Variants in FRAS1 observed in about 807,000 individuals in gnomAD.
The protein encoded by FRAS1 is extracellular matrix organizing protein FRAS1.
A neutral mutation model predicts 435.2 loss-of-function variants in FRAS1; 290 were observed. That is an observed-to-expected ratio of 0.67 (90% CI 0.61 to 0.73). FRAS1 has a LOEUF of 0.73. Ranked by LOEUF, FRAS1 falls within the 30% of genes least tolerant of loss-of-function variation. The pLI is 0.00. For synonymous variants in FRAS1, 1,800 were observed against 1,851.0 expected, an observed-to-expected ratio of 0.97 and a Z score of 0.71; for missense variants, 4,860 against 5,001.5, an observed-to-expected ratio of 0.97 and a Z score of 0.85.
chr4:78,089,099 A>G (rs1297795445), intron 2 of FRAS1, among the ~76,000 whole-genome samples: 6 of 152,154 alleles, frequency 3.9e-5, no homozygotes, highest in African/African-American at 1.2e-4. Flanking sequence ...CTATGCAGCC[A>G]TAAAAAATGA....
At chr4:78,323,355 T>C (rs1377919840) in intron 18 of FRAS1, among the ~76,000 whole-genome samples, 1 of 152,202 alleles carries the variant, frequency 6.6e-6, no homozygotes, top group East Asian at 1.9e-4. Flanking sequence ...CAAGTTGATC[T>C]CACCAGTTTA....
At chr4:78,536,885 A>T in intron 71 of FRAS1, 110 bp from the exon 72 acceptor site, 1 of 746,340 alleles carries the variant, frequency 1.3e-6, no homozygotes, top group Non-Finnish European at 2.2e-6. Context: ...CTCTTCATAG[A>T]AAAGTGCTTT....
At chr4:78,453,533 T>C (rs910776040) in intron 47 of FRAS1, among the ~76,000 whole-genome samples, 3 of 152,282 alleles carry the variant, frequency 2.0e-5, no homozygotes, top group African/African-American at 7.2e-5. Flanking sequence ...GTGCAGTGGC[T>C]CACACCTGTA....
chr4:78,379,526 G>A (rs1018011825), intron 26 of FRAS1, 200 bp from the exon 27 acceptor site: 14 of 566,642 alleles, frequency 2.5e-5, no homozygotes, highest in African/African-American at 2.1e-4. Flanking sequence ...GCGAGCTGAC[G>A]GTTGTGGTCT....
At chr4:78,262,965 G>A (rs907983252) in intron 6 of FRAS1, among the ~76,000 whole-genome samples, 45 of 152,286 alleles carry the variant, frequency 3.0e-4, no homozygotes, top group African/African-American at 1.0e-3. Flanking sequence ...ATATGTAAAT[G>A]AATGGGCATA....
At chr4:78,495,895 G>GA (rs546512456) in intron 59 of FRAS1, among the ~76,000 whole-genome samples, 4 of 151,498 alleles carry the variant, frequency 2.6e-5, no homozygotes, top group Admixed American at 6.6e-5. Context: ...TGTGGTAGAG[G>GA]AAAAAAAACA....
At chr4:78,389,358 A>G (rs1287399332) in intron 29 of FRAS1, among the ~76,000 whole-genome samples, 1 of 152,250 alleles carries the variant, frequency 6.6e-6, no homozygotes, top group Non-Finnish European at 1.5e-5. Flanking sequence ...TCACTTTCTC[A>G]TCAGTGATCA....
intron 14 of FRAS1, among the ~76,000 whole-genome samples, chr4:78,298,482 T>A (rs1401429467): frequency 6.6e-6 from 1 of 152,126 alleles, no homozygotes; most frequent in Non-Finnish European, 1.5e-5. Context: ...GAAATAAAAA[T>A]TCTTTCTGCT....
At chr4:78,468,066 C>G (rs1262245997) in intron 50 of FRAS1, among the ~76,000 whole-genome samples, 2 of 152,070 alleles carry the variant, frequency 1.3e-5, no homozygotes, top group Non-Finnish European at 1.5e-5. Context: ...GTGCAGAAGC[C>G]TTTTAACTTG....
rs118142925 is a variant in FRAS1, at chr4:78,228,402, G to A, written c.109-9108G>A. 5.0e-3 allele frequency among the ~76,000 whole-genome samples: 762 copies of A among 152,266 alleles called. 12 individuals are homozygous for A. The highest frequency in any genetic ancestry group is 0.036 in the East Asian group (185 of 5,184). On this transcript the variant is annotated intron_variant, in intron 2 of 73. Transcript: ENST00000512123. ...TATCATAGGGGTTCTCTTAGATCAG[G>A]CTCTCACTATTACAGGATTATGTTA...
In FRAS1 at chr4:78,499,893, A is replaced by T; in HGVS notation, c.9288A>T (p.Pro3096=). ...CCCAGTCTGGTGTGGATTATTACCC[A>T]AAGAGCCGAGTCTTGAAGTTCAGTC... is the stretch of plus-strand genomic sequence containing the variant. ...GSAQSGVDYY[P]KSRVLKFSPG... Residue 3096 remains proline (P), a synonymous_variant, in exon 61 of 74, where the codon CCA becomes CCT. Transcript: ENST00000512123. 1 of 1,582,252 alleles carries T rather than the reference A, an allele frequency of 6.3e-7. No individual in the cohort carries two copies. The highest frequency in any genetic ancestry group is 8.6e-7 in the Non-Finnish European group (1 of 1,157,952).
At chr4:78,244,386 C>T (rs879783035) in intron 3 of FRAS1, among the ~76,000 whole-genome samples, 4 of 152,042 alleles carry the variant, frequency 2.6e-5, no homozygotes, top group Non-Finnish European at 5.9e-5. Context: ...CATTTTTGGT[C>T]AAAATCACTA....
intron 47 of FRAS1, among the ~76,000 whole-genome samples, chr4:78,455,427 G>GT (rs1236455882): frequency 1.3e-5 from 2 of 151,388 alleles, no homozygotes; most frequent in Non-Finnish European, 3.0e-5. Flanking sequence ...AGGAGGGAGG[G>GT]GGTTCTGTTA....
intron 60 of FRAS1, among the ~76,000 whole-genome samples, chr4:78,498,232 G>A (rs1040052839): frequency 5.3e-5 from 8 of 152,278 alleles, no homozygotes; most frequent in Non-Finnish European, 7.3e-5. Flanking sequence ...AAAAAAGGCC[G>A]GGTGCAGTGG....
At chr4:78,388,730 C>A (rs1732325997) in intron 29 of FRAS1, among the ~76,000 whole-genome samples, 1 of 151,880 alleles carries the variant, frequency 6.6e-6, no homozygotes. Context: ...ATCACTTTAA[C>A]CCAGAAGTTC....
chr4:78,456,957 A>G (rs149319369), intron 47 of FRAS1, among the ~76,000 whole-genome samples: 198 of 152,186 alleles, frequency 1.3e-3, no homozygotes, highest in Non-Finnish European at 2.2e-3. Flanking sequence ...CACCTTACTC[A>G]TTTCAGTCTC....
intron 2 of FRAS1, among the ~76,000 whole-genome samples, chr4:78,175,628 T>C (rs546129314): frequency 9.2e-5 from 14 of 152,030 alleles, no homozygotes; most frequent in Non-Finnish European, 1.9e-4. Flanking sequence ...ATTCTACATC[T>C]GAAAGGGAAA....
At position 78,470,150 on chromosome 4, in the gene FRAS1, C is replaced by T. The variant is rs76584062; in HGVS notation, c.7371+59C>T. ...CCAACTTGGGCTACATCCTTCTTCA[C>T]GACAATGACTTATGAATAGAAGTCC... is the stretch of plus-strand genomic sequence containing the variant. On this transcript the variant is annotated intron_variant, in intron 51 of 73. Coordinates refer to ENST00000512123, the MANE Select transcript of FRAS1 (RefSeq NM_025074.7). 8.0e-5 allele frequency: 86 copies of T among 1,078,448 alleles called. No homozygotes were observed. In the East Asian group the frequency reaches 1.1e-3, roughly 14 times the overall value. 66.8% of individuals were successfully genotyped at this position (1,078,448 alleles called of 1,614,324 possible).
chr4:78,142,979 CAGTAACATAGAAGAT>C (rs1720257776), intron 2 of FRAS1, among the ~76,000 whole-genome samples: 1 of 152,028 alleles, frequency 6.6e-6, no homozygotes, highest in Admixed American at 6.6e-5. Context: ...ATAAAGCAAA[CAGTAACATAGAAGAT>C]TTAAACTTGA....
Sources: gnomAD v4.1 joint callset for allele counts (sites outside exome capture counted in the v4.1 genomes callset) on GRCh38, gnomAD v4.1.1 for gene constraint, MANE v1.5 for transcripts, NCBI Gene and HGNC (gene_info 2026-07-23, HGNC 2026-07-21) for gene names.